Variants in KLF17 observed in about 807,000 individuals in gnomAD.
The protein encoded by KLF17 is Krueppel-like factor 17.
A neutral mutation model predicts 34.2 loss-of-function variants in KLF17; 31 were observed. That is an observed-to-expected ratio of 0.91 (90% CI 0.68 to 1.22). KLF17 has a LOEUF of 1.22. Ranked by LOEUF, KLF17 falls within the 50% of genes most tolerant of loss-of-function variation. The pLI, the probability that KLF17 is intolerant of heterozygous loss-of-function variation, is 0.00. For missense variants in KLF17, 478 were observed against 505.2 expected (o/e 0.95, Z 0.52); for synonymous variants, 179 against 186.7 (o/e 0.96, Z 0.34).
At position 44,129,411 on chromosome 1, in the gene KLF17, T is replaced by G; in HGVS notation, c.140T>G (p.Val47Gly). The change falls in exon 2 of 4, where the codon GTG (valine) becomes GGG (glycine). Residue 47 changes from valine (V) to glycine (G), a missense_variant. Physicochemically the swap from Val to Gly is moderately radical, Grantham distance 109. Coordinates refer to ENST00000372299, the MANE Select transcript of KLF17 (RefSeq NM_173484.4). The part of the protein sequence containing the change: ...NMSSSSGSSG[V>G]HTSWNQGLPS... ...TCTTCATCTTCTGGAAGCTCTGGAGTGCACACCTCTTGGAACCAAGGCCTA... is the reference window on the plus strand; with the variant it reads ...TCTTCATCTTCTGGAAGCTCTGGAGGGCACACCTCTTGGAACCAAGGCCTA... The G allele has an allele frequency of 1.3e-6, 2 of 1,559,310 alleles. No individual in the cohort carries two copies. The highest frequency in any genetic ancestry group is 1.9e-5 in the Admixed American group (1 of 52,296).
chr1:44,064,972 A>G, the KLF17 span, among the ~76,000 whole-genome samples: 50 of 152,312 alleles, frequency 3.3e-4, no homozygotes, highest in African/African-American at 1.2e-3. Context: ...CTTTAGAAGA[A>G]CTTTATATTG....
At chr1:44,098,413 G>C in the KLF17 span, among the ~76,000 whole-genome samples, 1 of 147,812 alleles carries the variant, frequency 6.8e-6, no homozygotes, top group Non-Finnish European at 1.5e-5. Context: ...ACAACTTTTT[G>C]TTTTGTAGGT....
chr1:44,080,449 A>G, the KLF17 span, among the ~76,000 whole-genome samples: 1 of 151,548 alleles, frequency 6.6e-6, no homozygotes, highest in Non-Finnish European at 1.5e-5. Flanking sequence ...CATGTTAGCC[A>G]GTATGGTCTC....
At chr1:44,105,743 T>C in the KLF17 span, among the ~76,000 whole-genome samples, 2 of 152,206 alleles carry the variant, frequency 1.3e-5, no homozygotes, top group African/African-American at 4.8e-5. Context: ...TAAATGCAGA[T>C]TCTGGTTTAG....
At chr1:44,050,202 G>A in the KLF17 span, among the ~76,000 whole-genome samples, 1 of 152,190 alleles carries the variant, frequency 6.6e-6, no homozygotes, top group Non-Finnish European at 1.5e-5. Context: ...ACAGAAATTG[G>A]CAACTTTTAC....
the KLF17 span, among the ~76,000 whole-genome samples, chr1:44,099,579 C>A: frequency 6.7e-6 from 1 of 149,738 alleles, no homozygotes; most frequent in African/African-American, 2.5e-5. Flanking sequence ...GAGGCCAAGG[C>A]GGGTGAATCA....
At chr1:44,098,565 TTC>T in the KLF17 span, among the ~76,000 whole-genome samples, 36,096 of 133,358 alleles carry the variant, frequency 0.27, 4,749 homozygotes, top group South Asian at 0.31. Context: ...TTTTTTTTTT[TTC>T]TGAGACTGAG....
chr1:44,107,024 T>C, the KLF17 span: 1 of 152,200 alleles, frequency 6.6e-6, no homozygotes, highest in African/African-American at 2.4e-5. Context: ...CAGAGATGAT[T>C]CTCTTTCAGG....
chr1:44,103,799 G>A, the KLF17 span: 5 of 871,796 alleles, frequency 5.7e-6, no homozygotes, highest in Admixed American at 1.7e-5. Context: ...AAGCCCTCTG[G>A]CCTTTGAGGC....
the KLF17 span, chr1:44,104,217 C>T: frequency 1.3e-5 from 14 of 1,106,882 alleles, no homozygotes; most frequent in African/African-American, 1.7e-4. Context: ...CATCTCTGTA[C>T]GCTTATTGAT....
chr1:44,045,586 AC>A, the KLF17 span, among the ~76,000 whole-genome samples: 2 of 151,852 alleles, frequency 1.3e-5, no homozygotes, highest in Non-Finnish European at 2.9e-5. Flanking sequence ...GACTATTTAC[AC>A]CCTGGAATTT....
the KLF17 span, among the ~76,000 whole-genome samples, chr1:44,064,767 T>C: frequency 6.6e-6 from 1 of 152,366 alleles, no homozygotes; most frequent in Non-Finnish European, 1.5e-5. Context: ...GTCCTTTGCT[T>C]TATATGCCAA....
At chr1:44,054,497 T>TG in the KLF17 span, among the ~76,000 whole-genome samples, 2 of 149,414 alleles carry the variant, frequency 1.3e-5, no homozygotes, top group African/African-American at 2.5e-5. Flanking sequence ...TTTTTTTTTT[T>TG]TGAGACAGAG....
the KLF17 span, among the ~76,000 whole-genome samples, chr1:44,111,292 G>A: frequency 1.3e-5 from 2 of 151,900 alleles, no homozygotes; most frequent in African/African-American, 2.4e-5. Flanking sequence ...CACCATGCCC[G>A]GCCTGTGTTT....
chr1:44,108,411 G>T, the KLF17 span, among the ~76,000 whole-genome samples: 2 of 152,130 alleles, frequency 1.3e-5, no homozygotes, highest in African/African-American at 2.4e-5. Flanking sequence ...GGCTAGGGTT[G>T]TTTGTGAGTC....
At chr1:44,122,039 C>T in intron 1 of KLF17, 16 of 715,908 alleles carry the variant, frequency 2.2e-5, no homozygotes, top group South Asian at 8.7e-5. Context: ...ATGTCTTTTC[C>T]TTTTTTCATT....
chr1:44,104,054 G>A, the KLF17 span: 4 of 874,944 alleles, frequency 4.6e-6, no homozygotes, highest in African/African-American at 3.3e-5. Flanking sequence ...CAGACGTGGC[G>A]GAGATCTGGG....
intron 1 of KLF17, among the ~76,000 whole-genome samples, chr1:44,127,150 C>T (rs1216808596): frequency 1.3e-5 from 2 of 151,200 alleles, no homozygotes; most frequent in Non-Finnish European, 2.9e-5. Flanking sequence ...CTCAAGAGAT[C>T]CTTCCACCTG....
chr1:44,111,928 G>A, the KLF17 span, among the ~76,000 whole-genome samples: 1 of 152,032 alleles, frequency 6.6e-6, no homozygotes, highest in Non-Finnish European at 1.5e-5. Context: ...ATAAACGTTG[G>A]TACAATACTA....
Sources: allele counts gnomAD v4.1 joint callset (sites outside exome capture counted in the v4.1 genomes callset), GRCh38; gene constraint gnomAD v4.1.1; transcripts MANE v1.5; gene names NCBI Gene and HGNC (gene_info 2026-07-23, HGNC 2026-07-21).